MALRD1: variants seen among roughly 807,000 people sequenced by gnomAD.
MALRD1 encodes the protein MAM and LDL-receptor class A domain-containing protein 1.
MALRD1 carries 247 observed loss-of-function variants against 242.1 expected under a neutral mutation model. The observed-to-expected ratio is 1.02, with a 90% CI of 0.92 to 1.13. MALRD1 has a LOEUF of 1.13. Ranked by LOEUF, MALRD1 falls within the 50% of genes most tolerant of loss-of-function variation. The pLI is 0.00. For synonymous variants in MALRD1, 995 were observed against 866.6 expected (o/e 1.15, Z -2.60); for missense variants, 2,989 against 2,533.1 (o/e 1.18, Z -3.86).
chr10:19,675,480 G>A (rs1343360016), intron 36 of MALRD1, among the ~76,000 whole-genome samples: 2 of 152,150 alleles, frequency 1.3e-5, no homozygotes, highest in Admixed American at 1.3e-4. Flanking sequence ...CCCCAGACCA[G>A]CGGAGGCAGC....
At chr10:19,354,369 G>A (rs541694729) in intron 26 of MALRD1, among the ~76,000 whole-genome samples, 1 of 152,030 alleles carries the variant, frequency 6.6e-6, no homozygotes, top group East Asian at 1.9e-4. Context: ...CAAGTGGGTA[G>A]GAAAAAAATG....
chr10:19,198,743 C>T (rs74118853), intron 14 of MALRD1, among the ~76,000 whole-genome samples: 11,528 of 152,142 alleles, frequency 0.076, 540 homozygotes, highest in African/African-American at 0.13. Context: ...ATTCCAAAGA[C>T]AATAATGATT....
intron 32 of MALRD1, among the ~76,000 whole-genome samples, chr10:19,534,683 G>A (rs920718791): frequency 3.3e-5 from 5 of 152,062 alleles, no homozygotes; most frequent in Non-Finnish European, 7.4e-5. Flanking sequence ...GATCATATCT[G>A]CTGTTGGTGT....
intron 32 of MALRD1, among the ~76,000 whole-genome samples, chr10:19,549,697 C>T (rs1835398833): frequency 1.3e-5 from 2 of 152,136 alleles, no homozygotes; most frequent in Admixed American, 1.3e-4. Context: ...CATGTTATTG[C>T]AATATTTGGT....
intron 36 of MALRD1, among the ~76,000 whole-genome samples, chr10:19,617,532 A>G (rs1489519453): frequency 6.6e-6 from 1 of 152,034 alleles, no homozygotes; most frequent in Admixed American, 6.6e-5. Flanking sequence ...TAGCCATTTC[A>G]TTCAAGTTTT....
chr10:19,322,855 T>C (rs1842959388), intron 21 of MALRD1, among the ~76,000 whole-genome samples: 1 of 152,206 alleles, frequency 6.6e-6, no homozygotes, highest in Non-Finnish European at 1.5e-5. Context: ...CTAGCATCTA[T>C]ATTTAATTTA....
chr10:19,564,039 G>A (rs929591848), intron 32 of MALRD1, among the ~76,000 whole-genome samples: 2 of 152,194 alleles, frequency 1.3e-5, no homozygotes, highest in Non-Finnish European at 2.9e-5. Context: ...CTCCCCAGAA[G>A]CAGTTGCTGG....
chr10:19,457,897 A>G lies in MALRD1; in HGVS notation c.5029+7407A>G, dbSNP rs114524379. Among the ~76,000 whole-genome samples the G allele has an allele frequency of 9.2e-3, 1,396 of 152,054 alleles. 18 individuals are homozygous for G. The highest frequency in any genetic ancestry group is 0.031 in the African/African-American group (1,275 of 41,472). On this transcript the variant is annotated intron_variant, in intron 29 of 39. Coordinates refer to ENST00000454679, the MANE Select transcript of MALRD1 (RefSeq NM_001142308.3). ...ATTTTTTAATATTCAAATAATCCTT[A>G]TTGTTACAGGCTTGTTTTATTTTGG...
chr10:19,308,565 C>A (rs1842314449), intron 21 of MALRD1, among the ~76,000 whole-genome samples: 1 of 151,462 alleles, frequency 6.6e-6, no homozygotes, highest in Non-Finnish European at 1.5e-5. Flanking sequence ...TTTTGTTCTT[C>A]TTCTAAGAAG....
At chr10:19,386,193 A>G (rs1050683545) in intron 26 of MALRD1, among the ~76,000 whole-genome samples, 1 of 152,072 alleles carries the variant, frequency 6.6e-6, no homozygotes, top group Admixed American at 6.6e-5. Flanking sequence ...CTTATCCAGG[A>G]GGTACAAGCT....
chr10:19,373,971 A>T (rs1026131339), intron 26 of MALRD1, among the ~76,000 whole-genome samples: 44 of 152,330 alleles, frequency 2.9e-4, no homozygotes, highest in African/African-American at 1.0e-3. Flanking sequence ...ACTAAATGAA[A>T]TACAGTTCTT....
At chr10:19,718,002 A>AAAAT (rs142613562) in intron 38 of MALRD1, among the ~76,000 whole-genome samples, 1 of 117,494 alleles carries the variant, frequency 8.5e-6, no homozygotes, top group African/African-American at 3.5e-5. Context: ...GATTCTACCT[A>AAAAT]AATAAATAAA....
chr10:19,389,595 C>T lies in MALRD1; in HGVS notation c.4831C>T (p.Gln1611Ter). Residue 1611 changes from glutamine to a stop codon, truncating the protein, a stop_gained, in exon 28 of 40, where the codon CAG becomes TAG. Coordinates refer to ENST00000454679, the MANE Select transcript of MALRD1 (RefSeq NM_001142308.3). LOFTEE classifies it high-confidence loss of function. ...ATCTGCAAAGGCCACAGGATCCATT[C>T]AGATTCTCATCAAGGTAGGAACATG... is the stretch of plus-strand genomic sequence containing the variant. Reference protein sequence around the residue: ...FVSAKATGSIQILIKTEKGLS... With the variant: ...FVSAKATGSI The T allele has an allele frequency of 6.5e-7, 1 of 1,549,990 alleles. No homozygotes were observed. Among genetic ancestry groups the T allele is most frequent in the Non-Finnish European group, 8.7e-7 (1 of 1,146,684 alleles).
intron 27 of MALRD1, 101 bp downstream of exon 27, chr10:19,387,874 C>G (rs545606824): frequency 2.2e-6 from 3 of 1,372,998 alleles, no homozygotes; most frequent in Non-Finnish European, 2.9e-6. Flanking sequence ...GAGACCACCA[C>G]GATGGTATTG....
intron 38 of MALRD1, among the ~76,000 whole-genome samples, chr10:19,703,486 C>A (rs1589421926): frequency 6.6e-6 from 1 of 152,138 alleles, no homozygotes; most frequent in East Asian, 1.9e-4. Context: ...TTAAAATACT[C>A]CAGATTCTCA....
At chr10:19,525,359 C>A (rs114601225) in intron 31 of MALRD1, among the ~76,000 whole-genome samples, 3 of 152,156 alleles carry the variant, frequency 2.0e-5, no homozygotes, top group African/African-American at 7.2e-5. Context: ...GAATTTTTAA[C>A]CCTCTGCTGA....
chr10:19,414,040 CAAAAAACAAAAA>C (rs903832801), intron 28 of MALRD1, among the ~76,000 whole-genome samples: 3 of 148,838 alleles, frequency 2.0e-5, no homozygotes, highest in African/African-American at 7.5e-5. Flanking sequence ...GATCAGTTTC[CAAAAAACAAAAA>C]AAAAAAGTTC....
intron 21 of MALRD1, chr10:19,291,584 T>A (rs1370348721): frequency 6.6e-6 from 1 of 151,986 alleles, no homozygotes; most frequent in African/African-American, 2.4e-5. Context: ...TGGGAATTTG[T>A]ATTTTTACAA....
intron 39 of MALRD1, among the ~76,000 whole-genome samples, chr10:19,732,164 A>G (rs1835322529): frequency 6.6e-6 from 1 of 152,258 alleles, no homozygotes; most frequent in Non-Finnish European, 1.5e-5. Flanking sequence ...ATAAAAAAAC[A>G]CATACACATT....
Sources: gnomAD v4.1 joint callset for allele counts (sites outside exome capture counted in the v4.1 genomes callset) on GRCh38, gnomAD v4.1.1 for gene constraint, MANE v1.5 for transcripts, NCBI Gene and HGNC (gene_info 2026-07-23, HGNC 2026-07-21) for gene names.